RPH3A: variants seen among roughly 807,000 people sequenced by gnomAD.
RPH3A encodes the protein rabphilin 3A.
A neutral mutation model predicts 102.2 loss-of-function variants in RPH3A; 48 were observed. That is an observed-to-expected ratio of 0.47 (90% CI 0.37 to 0.60). RPH3A has a LOEUF of 0.60. RPH3A is among the 20% of genes least tolerant of loss of function. The pLI is 0.00. For synonymous variants in RPH3A, 310 were observed against 324.3 expected (o/e 0.96, Z 0.47); for missense variants, 781 against 910.1 (o/e 0.86, Z 1.83).
At chr12:112,744,847 T>C (rs2040733087) in intron 1 of RPH3A, among the ~76,000 whole-genome samples, 1 of 152,202 alleles carries the variant, frequency 6.6e-6, no homozygotes, top group African/African-American at 2.4e-5. Flanking sequence ...CGTTTTGTTT[T>C]AACCTCTAAA....
intron 2 of RPH3A, among the ~76,000 whole-genome samples, chr12:112,811,413 A>G (rs182325674): frequency 3.3e-5 from 5 of 152,310 alleles, no homozygotes; most frequent in African/African-American, 9.6e-5. Flanking sequence ...AAGGCAAATC[A>G]CAGCCTTCCT....
intron 1 of RPH3A, among the ~76,000 whole-genome samples, chr12:112,592,258 A>G (rs555420911): frequency 6.6e-6 from 1 of 152,254 alleles, no homozygotes; most frequent in South Asian, 2.1e-4. Context: ...GTCTCAGAAT[A>G]AATAAACAAA....
In RPH3A at chr12:112,734,506, T is replaced by C. The variant is rs116203340; in HGVS notation, c.-139-57637T>C. ...TAATCCAGACCCCAAGAGAGGGTTC[T>C]TGGATCTTGCTTAAGAAAGAATTAA... On this transcript the variant is annotated intron_variant, in intron 1 of 21. Transcript: ENST00000543106. 7.0e-3 allele frequency among the ~76,000 whole-genome samples: 1,062 copies of C among 152,330 alleles called. 15 individuals are homozygous for C. The highest frequency in any genetic ancestry group is 0.025 in the African/African-American group (1,023 of 41,574).
At chr12:112,871,555 G>T (rs753884573) in intron 10 of RPH3A, among the ~76,000 whole-genome samples, 4 of 152,102 alleles carry the variant, frequency 2.6e-5, no homozygotes, top group African/African-American at 9.7e-5. Flanking sequence ...TATGCTGGAG[G>T]TTGCAATATT....
At chr12:112,785,264 T>C (rs1242081804) in intron 1 of RPH3A, among the ~76,000 whole-genome samples, 1 of 150,856 alleles carries the variant, frequency 6.6e-6, no homozygotes, top group Non-Finnish European at 1.5e-5. Context: ...GCATGGTGGT[T>C]GGCAGAGCAT....
At chr12:112,644,236 C>T (rs2039910999) in intron 1 of RPH3A, among the ~76,000 whole-genome samples, 1 of 152,212 alleles carries the variant, frequency 6.6e-6, no homozygotes, top group Non-Finnish European at 1.5e-5. Flanking sequence ...GAAGCCCAGA[C>T]TTCATTAGGA....
At chr12:112,887,981 TCC>T in intron 17 of RPH3A, 58 bp downstream of exon 17, 1 of 1,591,630 alleles carries the variant, frequency 6.3e-7, no homozygotes, top group Non-Finnish European at 8.6e-7. Context: ...GGAGCTGCCT[TCC>T]TCTGGGTCTG....
chr12:112,682,653 G>T (rs143139626), intron 1 of RPH3A, among the ~76,000 whole-genome samples: 2 of 152,072 alleles, frequency 1.3e-5, no homozygotes, highest in Admixed American at 1.3e-4. Context: ...TTTGGAGAGC[G>T]TCATCCAGCC....
At chr12:112,859,575 A>G (rs1056605903) in intron 5 of RPH3A, among the ~76,000 whole-genome samples, 1 of 152,192 alleles carries the variant, frequency 6.6e-6, no homozygotes, top group Non-Finnish European at 1.5e-5. Flanking sequence ...GGAGATATTC[A>G]GGTGAGCATG....
chr12:112,787,016 C>T (rs967927752), upstream of RPH3A, among the ~76,000 whole-genome samples: 2 of 152,126 alleles, frequency 1.3e-5, no homozygotes, highest in Non-Finnish European at 2.9e-5. Context: ...ATCTTCAAGA[C>T]CAGTAACAAA....
At chr12:112,704,444 G>A (rs1418188450) in intron 1 of RPH3A, among the ~76,000 whole-genome samples, 1 of 152,184 alleles carries the variant, frequency 6.6e-6, no homozygotes, top group Non-Finnish European at 1.5e-5. Context: ...GAGACAGAGG[G>A]AAGGTGGCCC....
At chr12:112,718,735 C>T (rs1050851550) in intron 1 of RPH3A, among the ~76,000 whole-genome samples, 4 of 152,224 alleles carry the variant, frequency 2.6e-5, no homozygotes, top group Non-Finnish European at 5.9e-5. Context: ...GTGATTCTCT[C>T]ATTCCAACTT....
At chr12:112,716,333 T>C (rs1396177177) in intron 1 of RPH3A, among the ~76,000 whole-genome samples, 1 of 152,154 alleles carries the variant, frequency 6.6e-6, no homozygotes, top group African/African-American at 2.4e-5. Context: ...GACGATGGGG[T>C]ACTCACTAAA....
At chr12:112,884,183 A>G (rs2042969642) in intron 16 of RPH3A, among the ~76,000 whole-genome samples, 1 of 152,210 alleles carries the variant, frequency 6.6e-6, no homozygotes, top group East Asian at 1.9e-4. Flanking sequence ...AAATGAATAG[A>G]AAAGTGTAGA....
At chr12:112,704,689 C>T (rs1040940161) in intron 1 of RPH3A, among the ~76,000 whole-genome samples, 2 of 152,192 alleles carry the variant, frequency 1.3e-5, no homozygotes, top group African/African-American at 4.8e-5. Context: ...CCTGGGCCAA[C>T]AGGAAGAGAC....
intron 1 of RPH3A, among the ~76,000 whole-genome samples, chr12:112,682,729 C>T (rs918194900): frequency 6.6e-6 from 1 of 152,222 alleles, no homozygotes; most frequent in Non-Finnish European, 1.5e-5. Context: ...CACACACATG[C>T]GTTGGCAGTA....
At chr12:112,787,268 G>T (rs1200100875), upstream of RPH3A, among the ~76,000 whole-genome samples, 1 of 152,172 alleles carries the variant, frequency 6.6e-6, no homozygotes, top group Non-Finnish European at 1.5e-5. Flanking sequence ...TGAAAATGTG[G>T]ACATCTTTTG....
intron 1 of RPH3A, among the ~76,000 whole-genome samples, chr12:112,666,905 T>A (rs1236654017): frequency 6.6e-6 from 1 of 152,234 alleles, no homozygotes. Context: ...AGGACTTAGC[T>A]TTAATTCATT....
At chr12:112,589,954 A>T (rs139225040) in intron 1 of RPH3A, among the ~76,000 whole-genome samples, 15 of 152,158 alleles carry the variant, frequency 9.9e-5, no homozygotes, top group African/African-American at 3.1e-4. Context: ...GTGATAGTGC[A>T]CACCTGTAAT....
Sources: gnomAD v4.1 joint callset for allele counts (sites outside exome capture counted in the v4.1 genomes callset) on GRCh38, gnomAD v4.1.1 for gene constraint, MANE v1.5 for transcripts, NCBI Gene and HGNC (gene_info 2026-07-23, HGNC 2026-07-21) for gene names.